CTBS: variants seen among roughly 807,000 people sequenced by gnomAD.
The protein encoded by CTBS is di-N-acetylchitobiase.
In CTBS, 35 loss-of-function variants were observed where a neutral mutation model predicts 44.3. The observed-to-expected ratio is 0.79, with a 90% CI of 0.60 to 1.05. CTBS has a LOEUF of 1.05. Among genes scored for constraint, CTBS ranks in the 50% least tolerant of loss-of-function variants. CTBS has a pLI of 0.00. For synonymous variants in CTBS, 143 were observed against 168.0 expected (o/e 0.85, Z 1.15); for missense variants, 458 against 475.3 (o/e 0.96, Z 0.34).
At chr1:84,558,544 G>A (rs1264492091) in intron 6 of CTBS, among the ~76,000 whole-genome samples, 3 of 150,760 alleles carry the variant, frequency 2.0e-5, no homozygotes, top group Non-Finnish European at 4.4e-5. Flanking sequence ...GCCCGCCTCA[G>A]CCTCCCAAAG....
Position 84,551,825 on chromosome 1 carries a change from C to G in CTBS, c.*3174G>C, listed in dbSNP as rs369906569. On this transcript the variant is annotated 3_prime_UTR_variant, in exon 7 of 7. Transcript: ENST00000370630. ...TAAAGCCAATATGTAAACTTGTACA[C>G]TTAATAATTGGGTAGGTAGGAAGGA... The G allele has an allele frequency of 1.8e-4, 27 of 152,124 alleles. No individual in the cohort carries two copies. The allele number at this position is 152,124 out of a possible 1,614,324, so 9.4% of individuals were successfully genotyped here.
At chr1:84,574,042 G>A in intron 1 of CTBS, 197 bp downstream of exon 1, 1 of 1,432,202 alleles carries the variant, frequency 7.0e-7, no homozygotes. Context: ...AGGCTGTGAG[G>A]CCTGAGGAGT....
rs1445826372 is a variant in CTBS, at chr1:84,552,087, A to G, written c.*2912T>C. The G allele has an allele frequency of 6.6e-6, 1 of 152,194 alleles. No homozygotes were observed. The highest frequency in any genetic ancestry group is 1.5e-5 in the Non-Finnish European group (1 of 68,020). 9.4% of individuals were successfully genotyped at this position (152,194 alleles called of 1,614,324 possible). Reference sequence around the variant, plus strand: ...GGGGGAAAAAATCCTGTATTTAACCATAGTGCCTGATTGACACATAACAGA... The same window carrying G: ...GGGGGAAAAAATCCTGTATTTAACCGTAGTGCCTGATTGACACATAACAGA... On this transcript the variant is annotated 3_prime_UTR_variant, in exon 7 of 7. Coordinates refer to ENST00000370630, the MANE Select transcript of CTBS (RefSeq NM_004388.3).
Position 84,551,239 on chromosome 1 carries a change from T to G in CTBS, c.*3760A>C. The G allele has an allele frequency of 1.0e-6, 1 of 984,994 alleles. No homozygotes were observed. Among genetic ancestry groups the G allele is most frequent in the African/African-American group, 1.7e-5 (1 of 57,368 alleles). The allele number at this position is 984,994 out of a possible 1,614,324, so 61.0% of individuals were successfully genotyped here. On this transcript the variant is annotated 3_prime_UTR_variant, in exon 7 of 7. Transcript: ENST00000370630. ...AAAATGAGAACGATAATTATATGAA[T>G]GCTCTCATTTCTTTATCAGAAACAG...
chr1:84,557,158 T>C (rs1570465614), intron 6 of CTBS, among the ~76,000 whole-genome samples: 1 of 152,242 alleles, frequency 6.6e-6, no homozygotes, highest in Admixed American at 6.5e-5. Context: ...TGAGCTGCTA[T>C]TGCTGAAACA....
chr1:84,551,362 T>TA lies in CTBS; in HGVS notation c.*3636dup. Reference sequence around the variant, plus strand: ...AATCAGTACTGTCCTCGGTTTCAGATAAAAATAAAAATAAATAAAATTTAA... The same window carrying TA: ...AATCAGTACTGTCCTCGGTTTCAGATAAAAAATAAAAATAAATAAAATTTAA... On this transcript the variant is annotated 3_prime_UTR_variant, in exon 7 of 7. Transcript: ENST00000370630. The TA allele has an allele frequency of 2.6e-6, 2 of 769,198 alleles. No individual in the cohort carries two copies. Among genetic ancestry groups the TA allele is most frequent in the Non-Finnish European group, 3.2e-6 (2 of 633,486 alleles). 47.6% of individuals were successfully genotyped at this position (769,198 alleles called of 1,614,324 possible).
intron 3 of CTBS, among the ~76,000 whole-genome samples, chr1:84,569,700 G>A (rs1306894432): frequency 6.6e-6 from 1 of 152,206 alleles, no homozygotes; most frequent in Non-Finnish European, 1.5e-5. Context: ...TACAAGGCAA[G>A]TAGTGGGGGT....
chr1:84,562,517 C>T (rs1570470911), intron 6 of CTBS, among the ~76,000 whole-genome samples: 1 of 152,132 alleles, frequency 6.6e-6, no homozygotes, highest in South Asian at 2.1e-4. Flanking sequence ...CTGAACTTCA[C>T]TTATATCATT....
Position 84,550,234 on chromosome 1 carries a change from A to G in CTBS, c.*4765T>C. 1 of 350,800 alleles carries G rather than the reference A, an allele frequency of 2.9e-6. No individual in the cohort carries two copies. Among genetic ancestry groups the G allele is most frequent in the Non-Finnish European group, 5.2e-6 (1 of 191,858 alleles). 21.7% of individuals were successfully genotyped at this position (350,800 alleles called of 1,614,324 possible). On this transcript the variant is annotated 3_prime_UTR_variant, in exon 7 of 7. Transcript: ENST00000370630. ...TGCTAATTTAATGGTAACTTTAGAG[A>G]AAGTGTTCCCTAAAATGCAAGAAAT...
chr1:84,553,671 A>G lies in CTBS; in HGVS notation c.*1328T>C, dbSNP rs953391875. 3.9e-5 allele frequency: 6 copies of G among 152,192 alleles called. No homozygotes were observed. The highest frequency in any genetic ancestry group is 5.9e-5 in the Non-Finnish European group (4 of 68,054). The allele number at this position is 152,192 out of a possible 1,614,324, so 9.4% of individuals were successfully genotyped here. A position where few individuals can be genotyped will look rare whatever the true frequency, so the allele number is the denominator to read the frequency against. On this transcript the variant is annotated 3_prime_UTR_variant, in exon 7 of 7. Transcript: ENST00000370630. Reference sequence around the variant, plus strand: ...AATATGAAGACAACAGTGATCCAACATATACTATGAAAATGGTTTTTACTC... The same window carrying G: ...AATATGAAGACAACAGTGATCCAACGTATACTATGAAAATGGTTTTTACTC...
chr1:84,570,645 C>G lies in CTBS; in HGVS notation c.253G>C (p.Gly85Arg). 2 of 1,613,906 alleles carry G rather than the reference C, an allele frequency of 1.2e-6. No homozygotes were observed. Among genetic ancestry groups the G allele is most frequent in the Non-Finnish European group, 1.7e-6 (2 of 1,179,834 alleles). The change falls in exon 2 of 7, where the codon GGA becomes CGA. Residue 85 changes from glycine to arginine, a missense_variant. Transcript: ENST00000370630. ...WSQITTVATF[G>R]KYDSELMCYA... ...CACATAAGTTCTGAGTCATATTTTC[C>G]AAATGTTGCCACAGTTGTAATCTGT...
chr1:84,569,562 T>C (rs776262225), intron 3 of CTBS, among the ~76,000 whole-genome samples: 14 of 152,204 alleles, frequency 9.2e-5, no homozygotes, highest in Non-Finnish European at 1.6e-4. Flanking sequence ...TCAGAGACTG[T>C]AGAGCAAGTG....
Position 84,555,196 on chromosome 1 carries a change from G to A in CTBS, c.961C>T (p.Pro321Ser), listed in dbSNP as rs1264541632. The A allele has an allele frequency of 1.6e-5, 26 of 1,607,434 alleles. No individual in the cohort carries two copies. The highest frequency in any genetic ancestry group is 4.0e-5 in the African/African-American group (3 of 74,586). ...QRAPYYNYKD[P>S]AGHFHQVWYD... Reference sequence around the variant, plus strand: ...CATACTTGATGAAAGTGGCCAGCAGGATCCTATATAAATAAATTAAAATGG... The same window carrying A: ...CATACTTGATGAAAGTGGCCAGCAGAATCCTATATAAATAAATTAAAATGG... The change falls in exon 7 of 7, where the codon CCT becomes TCT. Residue 321 changes from proline (P) to serine (S), a missense_variant. Transcript: ENST00000370630.
At position 84,552,944 on chromosome 1, in the gene CTBS, C is replaced by T. The variant is rs144333140; in HGVS notation, c.*2055G>A. ...GCCAAATGAGAGAAGACAGTTAAAG[C>T]GGTTACAAAAACCCTGTTTACATGA... On this transcript the variant is annotated 3_prime_UTR_variant, in exon 7 of 7. Coordinates refer to ENST00000370630, the MANE Select transcript of CTBS (RefSeq NM_004388.3). The T allele has an allele frequency of 5.4e-4, 411 of 767,502 alleles. 1 individual carries two copies. In the African/African-American group the frequency reaches 6.4e-3, roughly 12 times the overall value. 47.5% of individuals were successfully genotyped at this position (767,502 alleles called of 1,614,324 possible). A position where few individuals can be genotyped will look rare whatever the true frequency, so the allele number is the denominator to read the frequency against.
At chr1:84,563,861 T>C in intron 4 of CTBS, 29 bp from the exon 5 acceptor site, 1 of 1,592,554 alleles carries the variant, frequency 6.3e-7, no homozygotes, top group South Asian at 1.1e-5. Context: ...AAAAGCATAT[T>C]TGTTTCTCTT....
rs748701391 is a variant in CTBS at position 84,551,492 on chromosome 1, T to C, written c.*3507A>G. Reference sequence around the variant, plus strand: ...GTACCCACTAGCCACCTATTGATATTGAGCACTTGAAATGTAGTTTGTGTG... The same window carrying C: ...GTACCCACTAGCCACCTATTGATATCGAGCACTTGAAATGTAGTTTGTGTG... On this transcript the variant is annotated 3_prime_UTR_variant, in exon 7 of 7. Transcript: ENST00000370630. The C allele has an allele frequency of 9.1e-5, 15 of 164,542 alleles. No individual in the cohort carries two copies. Among genetic ancestry groups the C allele is most frequent in the Non-Finnish European group, 1.8e-4 (14 of 79,412 alleles). 10.2% of individuals were successfully genotyped at this position (164,542 alleles called of 1,614,324 possible).
At position 84,549,895 on chromosome 1, in the gene CTBS, A is replaced by G. The variant is rs1461133201; in HGVS notation, c.*5104T>C. On this transcript the variant is annotated 3_prime_UTR_variant, in exon 7 of 7. Transcript: ENST00000370630. ...TACTTTTTTTTTTAGCATAGCTTATACTTTATCTTACTGTTTAATCAGTTC... is the reference window on the plus strand; with the variant it reads ...TACTTTTTTTTTTAGCATAGCTTATGCTTTATCTTACTGTTTAATCAGTTC... 1 of 151,380 alleles carries G rather than the reference A, an allele frequency of 6.6e-6. No individual in the cohort carries two copies. The highest frequency in any genetic ancestry group is 1.5e-5 in the Non-Finnish European group (1 of 67,824). 9.4% of individuals were successfully genotyped at this position (151,380 alleles called of 1,614,324 possible).
intron 6 of CTBS, among the ~76,000 whole-genome samples, chr1:84,557,554 G>GAAAAAAAAA (rs1179521999): frequency 1.4e-5 from 1 of 70,180 alleles, no homozygotes; most frequent in South Asian, 4.8e-4. Context: ...AAAAAAAAAA[G>GAAAAAAAAA]AAAAAAAAAA....
At position 84,563,286 on chromosome 1, in the gene CTBS, C is replaced by A. The variant is rs3768249; in HGVS notation, c.928G>T (p.Asp310Tyr). ...SSISGNLWDK[D>Y]QRAPYYNYKD... ...TAGTTATAATAAGGAGCCCGCTGAT[C>A]TTTATCCCATAGGTTTCCAGAAATA... Residue 310 changes from aspartate to tyrosine, a missense_variant, in exon 6 of 7, where the codon GAT becomes TAT. By Grantham distance (160) the Asp-to-Tyr change is radical. Transcript: ENST00000370630. 1.1e-3 allele frequency: 1,724 copies of A among 1,576,672 alleles called. 34 individuals are homozygous for A. The East Asian group carries it at 0.031, about 28-fold the overall frequency.
Sources: gnomAD v4.1 joint callset for allele counts (sites outside exome capture counted in the v4.1 genomes callset) on GRCh38, gnomAD v4.1.1 for gene constraint, MANE v1.5 for transcripts, NCBI Gene and HGNC (gene_info 2026-07-23, HGNC 2026-07-21) for gene names.